Variants in VCL observed in about 807,000 individuals in gnomAD.
The protein encoded by VCL is epididymis luminal protein 114.
VCL carries 47 observed loss-of-function variants against 125.7 expected under a neutral mutation model. That is an observed-to-expected ratio of 0.37 (90% CI 0.30 to 0.48). VCL has a LOEUF of 0.48. VCL is among the 20% of genes least tolerant of loss of function. The pLI, the probability that VCL is intolerant of heterozygous loss-of-function variation, is 0.99. For synonymous variants in VCL, 458 were observed against 514.6 expected (o/e 0.89, Z 1.49); for missense variants, 1,069 against 1,455.5 (o/e 0.73, Z 4.32).
At chr10:74,055,384 A>T (rs892444948) in intron 2 of VCL, among the ~76,000 whole-genome samples, 3 of 151,998 alleles carry the variant, frequency 2.0e-5, no homozygotes, top group African/African-American at 7.2e-5. Context: ...TTGCTATGTC[A>T]CCTAGGCTGG....
At chr10:74,105,458 C>T (rs573392827) in intron 16 of VCL, 105 bp downstream of exon 16, 6 of 1,412,540 alleles carry the variant, frequency 4.2e-6, no homozygotes, top group Non-Finnish European at 6.0e-6. Flanking sequence ...AGTCTGGGGG[C>T]AAAAACTATA....
In VCL at chr10:74,089,151, A is replaced by C. The variant is rs760180201; in HGVS notation, c.1023-45A>C. The C allele has an allele frequency of 8.7e-6, 14 of 1,612,750 alleles. No homozygotes were observed. In the African/African-American group the frequency reaches 1.3e-4, roughly 15 times the overall value. On this transcript the variant is annotated intron_variant, in intron 8 of 21. Transcript: ENST00000211998. ...TGCTATTGGGAATATTTTGTCATTA[A>C]GTATTTGAGGGTGTACAATGACAGC...
At chr10:74,059,203 A>C (rs190835094) in intron 2 of VCL, among the ~76,000 whole-genome samples, 1 of 151,958 alleles carries the variant, frequency 6.6e-6, no homozygotes, top group Non-Finnish European at 1.5e-5. Context: ...AAAAATACAA[A>C]AACTAGTTCG....
chr10:74,083,301 T>C lies in VCL; in HGVS notation c.875-65T>C, dbSNP rs568290630. 118 of 1,601,194 alleles carry C rather than the reference T, an allele frequency of 7.4e-5. 2 individuals are homozygous for C. The South Asian group carries it at 1.0e-3, about 14-fold the overall frequency. On this transcript the variant is annotated intron_variant, in intron 7 of 21. Transcript: ENST00000211998. ...ATTCCTTGGTGAATGAAATGACTTG[T>C]AAAGTATCCTCTCTAAATAATGAAT... is the stretch of plus-strand genomic sequence containing the variant.
At position 74,105,314 on chromosome 10, in the gene VCL, A is replaced by G. The variant is rs150069336; in HGVS notation, c.2395A>G (p.Met799Val). The change falls in exon 16 of 22, where the codon ATG (methionine) becomes GTG (valine). Residue 799 changes from methionine (M) to valine (V), a missense_variant. Met to Val is a conservative substitution (Grantham distance 21). This residue lies in a region of VCL where 760 missense variants were observed against 928.9 expected (regional missense o/e 0.82). Coordinates refer to ENST00000211998, the MANE Select transcript of VCL (RefSeq NM_014000.3). ...GAGCAAAACCATCTCCCCGATGGTG[A>G]TGGATGCAAAAGCTGTGGCTGGAAA... The part of the protein sequence containing the change: ...ELSKTISPMV[M>V]DAKAVAGNIS... The G allele has an allele frequency of 1.9e-6, 3 of 1,612,600 alleles. No individual in the cohort carries two copies. In the African/African-American group the frequency reaches 4.0e-5, roughly 22 times the overall value.
chr10:74,109,576 C>CTTTTTTTTTTTTT (rs3037358), intron 18 of VCL, among the ~76,000 whole-genome samples: 8 of 147,270 alleles, frequency 5.4e-5, no homozygotes, highest in Non-Finnish European at 3.0e-5. Flanking sequence ...TTTGCATTTT[C>CTTTTTTTTTTTTT]TTTTTTTTTC....
At chr10:74,033,952 G>A (rs559229088) in intron 1 of VCL, among the ~76,000 whole-genome samples, 3 of 152,228 alleles carry the variant, frequency 2.0e-5, no homozygotes, top group Non-Finnish European at 4.4e-5. Flanking sequence ...TCACACTGCT[G>A]CTGCTTCTGC....
chr10:74,070,778 C>T lies in VCL; in HGVS notation c.348C>T (p.Leu116=). 6.2e-7 allele frequency: 1 copy of T among 1,614,136 alleles called. No individual in the cohort carries two copies. The highest frequency in any genetic ancestry group is 8.5e-7 in the Non-Finnish European group (1 of 1,180,028). ...DYLIDGSRGI[L]SGTSDLLLTF... ...TAATTGATGGGTCAAGGGGCATCCT[C>T]TCTGGAACATCAGACCTGCTCCTTA... The change falls in exon 3 of 22, where the codon CTC becomes CTT. Residue 116 remains leucine, a synonymous_variant. Transcript: ENST00000211998.
chr10:74,009,541 G>A (rs1454354503), intron 1 of VCL, among the ~76,000 whole-genome samples: 1 of 151,938 alleles, frequency 6.6e-6, no homozygotes, highest in East Asian at 1.9e-4. Context: ...TTACAGGCAT[G>A]AGCCACCGCG....
At chr10:74,069,814 A>G (rs1403214868) in intron 2 of VCL, among the ~76,000 whole-genome samples, 1 of 152,176 alleles carries the variant, frequency 6.6e-6, no homozygotes, top group Non-Finnish European at 1.5e-5. Context: ...AGGAAGGCAA[A>G]CTGAATACTT....
intron 6 of VCL, among the ~76,000 whole-genome samples, chr10:74,080,068 G>A (rs1839652687): frequency 6.6e-6 from 1 of 151,944 alleles, no homozygotes; most frequent in African/African-American, 2.4e-5. Context: ...GCTTTATTAA[G>A]GAGAAAAAAA....
chr10:74,069,141 T>C (rs531099280), intron 2 of VCL, among the ~76,000 whole-genome samples: 1 of 151,968 alleles, frequency 6.6e-6, no homozygotes, highest in African/African-American at 2.4e-5. Context: ...CACTGCAACC[T>C]CCACCTCTGA....
intron 21 of VCL, among the ~76,000 whole-genome samples, chr10:74,116,492 A>G (rs1473978468): frequency 6.6e-6 from 1 of 152,192 alleles, no homozygotes; most frequent in East Asian, 1.9e-4. Context: ...TGCCTTGAGA[A>G]TATCTATTAT....
chr10:74,008,960 C>T (rs1044762420), intron 1 of VCL, among the ~76,000 whole-genome samples: 2 of 152,124 alleles, frequency 1.3e-5, no homozygotes, highest in Non-Finnish European at 2.9e-5. Flanking sequence ...TTTTAAGCTT[C>T]AACAACTTTC....
At chr10:74,038,121 C>T (rs1343671073) in intron 1 of VCL, among the ~76,000 whole-genome samples, 3 of 152,054 alleles carry the variant, frequency 2.0e-5, no homozygotes, top group African/African-American at 7.2e-5. Flanking sequence ...CCTCAGCCTC[C>T]CAAGTAGCTG....
chr10:74,064,686 G>A (rs963620722), intron 2 of VCL, among the ~76,000 whole-genome samples: 4 of 152,118 alleles, frequency 2.6e-5, no homozygotes, highest in South Asian at 2.1e-4. Context: ...GGGATTACAG[G>A]CATGAGCCAC....
Position 74,105,371 on chromosome 10 carries a change from CTAT to C in VCL, c.2434+19_2434+21del, listed in dbSNP as rs763096113. The C allele has an allele frequency of 6.2e-7, 1 of 1,611,964 alleles. No homozygotes were observed. Among genetic ancestry groups the C allele is most frequent in the Admixed American group, 1.7e-5 (1 of 60,022 alleles). On this transcript the variant is annotated intron_variant, in intron 16 of 21. Transcript: ENST00000211998. ...CGACCCTGGTAAGCAATGCATGGCA[CTAT>C]GTCTCACCTCCACTGAGAGGTTAAC...
chr10:74,024,329 G>A (rs980523691), intron 1 of VCL, among the ~76,000 whole-genome samples: 4 of 152,070 alleles, frequency 2.6e-5, no homozygotes, highest in South Asian at 2.1e-4. Flanking sequence ...ACTTTTTGCC[G>A]GCTGGGCGCA....
intron 18 of VCL, among the ~76,000 whole-genome samples, chr10:74,111,540 G>A (rs1484196669): frequency 1.3e-5 from 2 of 152,118 alleles, no homozygotes; most frequent in African/African-American, 4.8e-5. Flanking sequence ...TGCTACTATC[G>A]TTTGGTTGTT....
Sources: gnomAD v4.1 joint callset for allele counts (sites outside exome capture counted in the v4.1 genomes callset) on GRCh38, gnomAD v4.1.1 for gene constraint, gnomAD v4.1.1 regional missense constraint, MANE v1.5 for transcripts, NCBI Gene and HGNC (gene_info 2026-07-23, HGNC 2026-07-21) for gene names.